The following ANKRD28 variants were observed in gnomAD, a reference collection of about 807,000 sequenced individuals.
The protein encoded by ANKRD28 is ankyrin repeat domain 28.
Under a neutral mutation model 126.5 loss-of-function variants are expected in ANKRD28, and 44 were observed. That is an observed-to-expected ratio of 0.35 (90% confidence interval 0.27 to 0.45). The LOEUF is 0.45. ANKRD28 is among the 20% of genes least tolerant of loss of function. The probability of loss-of-function intolerance (pLI) is 1.00; values close to 1 mark genes in which losing one functional copy is unlikely to be tolerated. For missense variants in ANKRD28, 1,110 were observed against 1,316.6 expected, an observed-to-expected ratio of 0.84 and a Z score of 2.43; for synonymous variants, 442 against 468.5, an observed-to-expected ratio of 0.94 and a Z score of 0.73.
chr3:15,734,863 G>A (rs1238557738), intron 6 of ANKRD28, among the ~76,000 whole-genome samples: 1 of 152,132 alleles, frequency 6.6e-6, no homozygotes, highest in African/African-American at 2.4e-5. Context: ...GTCTACCCCA[G>A]GCCTATTATT....
chr3:15,713,809 C>G (rs2072641412), intron 9 of ANKRD28, among the ~76,000 whole-genome samples, 168 bp from the exon 10 acceptor site: 1 of 152,156 alleles, frequency 6.6e-6, no homozygotes, highest in Admixed American at 6.5e-5. Flanking sequence ...GGATTTATAG[C>G]TTTTATACTT....
chr3:15,695,288 G>T (rs571839672), intron 15 of ANKRD28, 74 bp from the exon 16 acceptor site: 2 of 1,143,508 alleles, frequency 1.7e-6, no homozygotes, highest in South Asian at 1.4e-5. Context: ...CTTATATAGA[G>T]CTTTGCTAAC....
At chr3:15,859,124 G>T (rs1398423600) in intron 1 of ANKRD28, among the ~76,000 whole-genome samples, 1 of 152,190 alleles carries the variant, frequency 6.6e-6, no homozygotes, top group Non-Finnish European at 1.5e-5. Flanking sequence ...GGCGGTGAGC[G>T]TGGAACCCGC....
Position 15,675,879 on chromosome 3 carries a change from G to A in ANKRD28, c.2965+19C>T. The A allele has an allele frequency of 6.3e-7, 1 of 1,579,848 alleles. No individual in the cohort carries two copies. Among genetic ancestry groups the A allele is most frequent in the African/African-American group, 1.3e-5 (1 of 74,178 alleles). On this transcript the variant is annotated intron_variant, in intron 27 of 27. Coordinates refer to ENST00000683139, the MANE Select transcript of ANKRD28 (RefSeq NM_001349278.2). ...ATAAAAGCTCTAGGTTAAGGGAAGA[G>A]AATATAGAACCAACTTACCATTTTC... is the stretch of plus-strand genomic sequence containing the variant.
At chr3:15,711,864 T>G (rs986911434) in intron 11 of ANKRD28, among the ~76,000 whole-genome samples, 6 of 108,014 alleles carry the variant, frequency 5.6e-5, no homozygotes, top group African/African-American at 1.5e-4. Context: ...TTTTTTTTTG[T>G]ATTTTTTTTT....
chr3:15,852,609 G>A (rs1262078326), intron 1 of ANKRD28, among the ~76,000 whole-genome samples: 3 of 151,922 alleles, frequency 2.0e-5, no homozygotes, highest in Admixed American at 6.6e-5. Flanking sequence ...CGAGGCGGGC[G>A]GATCACGAGG....
chr3:15,851,544 A>AAAATAAATAAAT (rs141544673), intron 1 of ANKRD28, among the ~76,000 whole-genome samples: 1 of 145,550 alleles, frequency 6.9e-6, no homozygotes, highest in Non-Finnish European at 1.5e-5. Flanking sequence ...ACTCTGTGTC[A>AAAATAAATAAAT]AAATAAATAA....
At chr3:15,727,564 CAAAAAAAAAAAAA>C (rs59584114) in intron 6 of ANKRD28, among the ~76,000 whole-genome samples, 1 of 65,970 alleles carries the variant, frequency 1.5e-5, no homozygotes, top group South Asian at 6.8e-4. Context: ...GAAACTCTGT[CAAAAAAAAAAAAA>C]AAAAAAAAAA....
chr3:15,795,053 T>C (rs1442130402), intron 2 of ANKRD28, among the ~76,000 whole-genome samples, 170 bp downstream of exon 2: 2 of 152,156 alleles, frequency 1.3e-5, no homozygotes, highest in Admixed American at 6.6e-5. Context: ...TGGCTGCTAC[T>C]GCCCTGAGTA....
At chr3:15,822,709 A>G (rs1446966801) in intron 1 of ANKRD28, among the ~76,000 whole-genome samples, 1 of 114,622 alleles carries the variant, frequency 8.7e-6, no homozygotes, top group Non-Finnish European at 1.8e-5. Flanking sequence ...ACAATGAACT[A>G]AAGGGAACCA....
At position 15,843,367 on chromosome 3, in the gene ANKRD28, T is replaced by C. The variant is rs1177214064; in HGVS notation, c.27+16010A>G. Among the ~76,000 whole-genome samples, 2 of 152,148 alleles carry C rather than the reference T, an allele frequency of 1.3e-5. No homozygotes were observed. The highest frequency in any genetic ancestry group is 1.3e-4 in the Admixed American group (2 of 15,268). ...CAACACTAAAGATTACATGTCAACA[T>C]GAGATGTGGGCAAGAACACACATCC... On this transcript the variant is annotated intron_variant, in intron 1 of 27. Transcript: ENST00000399451. This position sits in a 1 kb window ranked among gnomAD's most constrained non-coding sequence, Gnocchi z 5.2.
chr3:15,676,490 A>T (rs1460796698), intron 26 of ANKRD28: 1 of 156,172 alleles, frequency 6.4e-6, no homozygotes, highest in African/African-American at 2.4e-5. Context: ...ATCTTTACTA[A>T]ACCTCAAAAT....
chr3:15,783,645 C>G (rs1003047293), intron 2 of ANKRD28, among the ~76,000 whole-genome samples: 1 of 151,958 alleles, frequency 6.6e-6, no homozygotes, highest in Non-Finnish European at 1.5e-5. Flanking sequence ...TAAACAAATT[C>G]TGTATATCAT....
Position 15,762,535 on chromosome 3 carries a change from C to A in ANKRD28, c.280+3699G>T, listed in dbSNP as rs551003723. Reference sequence around the variant, plus strand: ...GTATATAGAGTCTATTTTTTTTCAACCTTTGTCTTTCTAGATTGTGGAAAT... The same window carrying A: ...GTATATAGAGTCTATTTTTTTTCAAACTTTGTCTTTCTAGATTGTGGAAAT... On this transcript the variant is annotated intron_variant, in intron 3 of 27. Coordinates refer to ENST00000683139, the MANE Select transcript of ANKRD28 (RefSeq NM_001349278.2). Among the ~76,000 whole-genome samples, 109 of 151,708 alleles carry A rather than the reference C, an allele frequency of 7.2e-4. 2 individuals carry two copies. Among genetic ancestry groups the A allele is most frequent in the South Asian group, 4.6e-3 (22 of 4,802 alleles).
intron 4 of ANKRD28, 45 bp from the exon 5 acceptor site, chr3:15,737,278 T>G: frequency 2.6e-6 from 4 of 1,524,148 alleles, no homozygotes; most frequent in Non-Finnish European, 3.6e-6. Context: ...GTTAAGAGTT[T>G]GAGAAATTAT....
intron 1 of ANKRD28, among the ~76,000 whole-genome samples, chr3:15,841,601 C>A (rs1287299955): frequency 2.0e-5 from 3 of 151,648 alleles, no homozygotes; most frequent in African/African-American, 7.3e-5. Context: ...CCTAATAACC[C>A]AATAAAAAAA....
intron 7 of ANKRD28, among the ~76,000 whole-genome samples, chr3:15,722,102 G>C (rs1252361301): frequency 6.6e-6 from 1 of 152,186 alleles, no homozygotes. Context: ...GTGTAGTAAA[G>C]AATCTGACCT....
intron 24 of ANKRD28, 108 bp from the exon 25 acceptor site, chr3:15,677,670 A>C (rs1042084870): frequency 1.5e-6 from 1 of 686,892 alleles, no homozygotes; most frequent in Non-Finnish European, 2.4e-6. Context: ...TCCCTCTCAC[A>C]AAAACTTAAG....
At position 15,814,349 on chromosome 3, in the gene ANKRD28, A is replaced by G. The variant is rs1401314608; in HGVS notation, c.28-19043T>C. 7.0e-6 allele frequency: 8 copies of G among 1,140,356 alleles called. No individual in the cohort carries two copies. In the South Asian group the frequency reaches 1.1e-4, roughly 16 times the overall value. The allele number at this position is 1,140,356 out of a possible 1,614,324, so 70.6% of individuals were successfully genotyped here. ...AGATATCAAAAGAAAGAATACGCTG[A>G]TCCTAGAAATTAAGGGCTATGTTAT... On this transcript the variant is annotated intron_variant, in intron 1 of 27. Coordinates refer to the ANKRD28 transcript ENST00000399451. This position sits in a 1 kb window ranked among gnomAD's most constrained non-coding sequence, Gnocchi z 4.7.
Sources: gnomAD v4.1 joint callset for allele counts (sites outside exome capture counted in the v4.1 genomes callset) on GRCh38, gnomAD v4.1.1 for gene constraint, Gnocchi (gnomAD v3.1) non-coding constraint, MANE v1.5 for transcripts, NCBI Gene and HGNC (gene_info 2026-07-23, HGNC 2026-07-21) for gene names.